RIMS1: variants seen among roughly 807,000 people sequenced by gnomAD.
The protein encoded by RIMS1 is regulating synaptic membrane exocytosis protein 1.
RIMS1 carries 83 observed loss-of-function variants against 214.1 expected under a neutral mutation model. The ratio of observed to expected loss-of-function variants is 0.39; its 90% CI spans 0.32 to 0.47. The LOEUF (loss-of-function observed/expected upper bound fraction) is 0.47, where lower values mean the gene tolerates loss of function less well. Among genes scored for constraint, RIMS1 ranks in the 20% least tolerant of loss-of-function variants. The probability of loss-of-function intolerance (pLI) is 0.99; values close to 1 mark genes in which losing one functional copy is unlikely to be tolerated. For synonymous variants in RIMS1, 793 were observed against 786.8 expected (o/e 1.01, Z -0.13); for missense variants, 2,050 against 2,161.8 (o/e 0.95, Z 1.03).
intron 2 of RIMS1, among the ~76,000 whole-genome samples, chr6:72,035,268 T>G (rs887011750): frequency 6.6e-6 from 1 of 152,196 alleles, no homozygotes; most frequent in African/African-American, 2.4e-5. Context: ...TTCATGGTGT[T>G]GTTAATATAT....
chr6:72,153,990 T>C lies in RIMS1; in HGVS notation c.472-25585T>C, dbSNP rs1370746023. Among the ~76,000 whole-genome samples, 3 of 152,250 alleles carry C rather than the reference T, an allele frequency of 2.0e-5. No individual in the cohort carries two copies. In the East Asian group the frequency reaches 5.8e-4, roughly 29 times the overall value. The stretch of plus-strand genomic sequence containing the variant: ...GGAGATGCTATTGAGAACATAACTC[T>C]TACCTAATGAAGGAACATAATTATT... On this transcript the variant is annotated intron_variant, in intron 4 of 33. Coordinates refer to ENST00000521978, the MANE Select transcript of RIMS1 (RefSeq NM_014989.7).
chr6:71,958,298 A>G (rs1013000048), intron 1 of RIMS1, among the ~76,000 whole-genome samples: 2 of 152,158 alleles, frequency 1.3e-5, no homozygotes, highest in Admixed American at 1.3e-4. Context: ...TTCCCAGTGA[A>G]GCTGTGGAAC....
At chr6:72,376,453 C>G (rs1346623212) in intron 29 of RIMS1, among the ~76,000 whole-genome samples, 1 of 152,064 alleles carries the variant, frequency 6.6e-6, no homozygotes, top group Non-Finnish European at 1.5e-5. Flanking sequence ...GAGAAAAAAA[C>G]TCTATAAAAA....
chr6:72,110,094 G>C (rs1474831496), intron 4 of RIMS1, among the ~76,000 whole-genome samples: 1 of 152,070 alleles, frequency 6.6e-6, no homozygotes, highest in African/African-American at 2.4e-5. Flanking sequence ...ATGCTGTTTT[G>C]GTTACTGTAG....
chr6:71,918,677 T>C (rs77978508), intron 1 of RIMS1, among the ~76,000 whole-genome samples: 4 of 152,208 alleles, frequency 2.6e-5, no homozygotes, highest in African/African-American at 9.6e-5. Flanking sequence ...AAAATCTTGA[T>C]GGTGTACAGA....
intron 2 of RIMS1, among the ~76,000 whole-genome samples, chr6:72,037,145 G>T (rs1819855788): frequency 6.6e-6 from 1 of 151,972 alleles, no homozygotes; most frequent in Non-Finnish European, 1.5e-5. Context: ...GGAGGTTGGG[G>T]GTGGGGGTGG....
At chr6:71,894,085 G>T (rs1192284666) in intron 1 of RIMS1, among the ~76,000 whole-genome samples, 1 of 152,170 alleles carries the variant, frequency 6.6e-6, no homozygotes, top group African/African-American at 2.4e-5. Context: ...AATAAGTAAT[G>T]CAAGCAAGTG....
At chr6:71,954,619 T>C (rs901903218) in intron 1 of RIMS1, among the ~76,000 whole-genome samples, 1 of 152,204 alleles carries the variant, frequency 6.6e-6, no homozygotes, top group African/African-American at 2.4e-5. Context: ...CATTAAATTA[T>C]ATTCTACTGG....
rs767391642 is a variant in RIMS1 at position 72,182,291 on chromosome 6, A to G, written c.820A>G (p.Thr274Ala). ...RSEPPRERKKTPGLSEQNGKG... is the reference protein window; with the variant it reads ...RSEPPRERKKAPGLSEQNGKG... ...TTCCTTTGTATATCATAGAAAGAAG[A>G]CCCCAGGGCTTTCCGAGCAGAATGG... Residue 274 changes from threonine (T) to alanine (A), a missense_variant, in exon 6 of 34, where the codon ACC (threonine) becomes GCC (alanine). Transcript: ENST00000521978. 4.5e-6 allele frequency: 7 copies of G among 1,568,132 alleles called. No homozygotes were observed. In the South Asian group the frequency reaches 8.4e-5, roughly 19 times the overall value.
intron 1 of RIMS1, among the ~76,000 whole-genome samples, chr6:71,935,841 A>G (rs1784273213): frequency 6.6e-6 from 1 of 152,204 alleles, no homozygotes; most frequent in African/African-American, 2.4e-5. Flanking sequence ...TCTCTCTAAA[A>G]TATTATGGAC....
intron 2 of RIMS1, among the ~76,000 whole-genome samples, chr6:71,992,404 C>CTT (rs200339642): frequency 0.049 from 5,356 of 109,984 alleles, 128 homozygotes; most frequent in South Asian, 0.073. Flanking sequence ...TTCTCTCTCT[C>CTT]TCTTTCTTTC....
At chr6:72,087,813 A>G (rs895173854) in intron 2 of RIMS1, among the ~76,000 whole-genome samples, 5 of 152,144 alleles carry the variant, frequency 3.3e-5, no homozygotes, top group African/African-American at 1.2e-4. Flanking sequence ...CCACTATAAA[A>G]TTTCCATTGA....
In RIMS1 at chr6:71,968,980, C is replaced by T; in HGVS notation, c.165-3C>T. The stretch of plus-strand genomic sequence containing the variant: ...GCGTTGTGCTGTCTATCATGCGCCC[C>T]AGGTGTGTTGTCAGGGACATGGCGA... On this transcript the variant is annotated splice_region_variant and splice_polypyrimidine_tract_variant and intron_variant, in intron 1 of 33. Transcript: ENST00000521978. The T allele has an allele frequency of 6.2e-7, 1 of 1,613,796 alleles. No individual in the cohort carries two copies. The highest frequency in any genetic ancestry group is 8.5e-7 in the Non-Finnish European group (1 of 1,179,696).
At chr6:72,157,407 G>C (rs1293645797) in intron 4 of RIMS1, among the ~76,000 whole-genome samples, 1 of 139,486 alleles carries the variant, frequency 7.2e-6, no homozygotes, top group Non-Finnish European at 1.6e-5. Context: ...CACTGTATTT[G>C]TGATTTGCCT....
chr6:72,000,106 A>C (rs190751677), intron 2 of RIMS1, among the ~76,000 whole-genome samples: 1 of 152,220 alleles, frequency 6.6e-6, no homozygotes, highest in East Asian at 1.9e-4. Flanking sequence ...GGGAAAAAAA[A>C]CAGTGTAAAC....
chr6:72,169,906 G>A (rs2046791322), intron 4 of RIMS1, among the ~76,000 whole-genome samples: 1 of 152,100 alleles, frequency 6.6e-6, no homozygotes. Flanking sequence ...GTGAGTCCCT[G>A]TCTCAAAAAC....
intron 22 of RIMS1, 107 bp from the exon 23 acceptor site, chr6:72,274,242 C>T: frequency 1.6e-6 from 1 of 636,304 alleles, no homozygotes; most frequent in South Asian, 2.3e-5. Context: ...AGAATCTACA[C>T]TTTGCCTTTA....
intron 2 of RIMS1, among the ~76,000 whole-genome samples, chr6:72,076,793 C>T (rs1246776460): frequency 6.6e-6 from 1 of 152,148 alleles, no homozygotes; most frequent in Non-Finnish European, 1.5e-5. Flanking sequence ...CTTACTACCT[C>T]CAGCATAAGC....
intron 2 of RIMS1, among the ~76,000 whole-genome samples, chr6:71,972,528 T>G (rs1052587525): frequency 1.3e-5 from 2 of 152,242 alleles, no homozygotes; most frequent in Non-Finnish European, 2.9e-5. Flanking sequence ...ATATTTTTGA[T>G]AACTATGTAC....
Sources: gnomAD v4.1 joint callset for allele counts (sites outside exome capture counted in the v4.1 genomes callset) on GRCh38, gnomAD v4.1.1 for gene constraint, MANE v1.5 for transcripts, NCBI Gene and HGNC (gene_info 2026-07-23, HGNC 2026-07-21) for gene names.